POLA1: variants seen among roughly 807,000 people sequenced by gnomAD.
POLA1 encodes the protein DNA polymerase alpha 1, catalytic subunit.
A neutral mutation model predicts 124.0 loss-of-function variants in POLA1; 15 were observed. That is an observed-to-expected ratio of 0.12 (90% CI 0.08 to 0.19). POLA1 has a LOEUF of 0.19. Ranked by LOEUF, POLA1 falls within the 10% of genes least tolerant of loss-of-function variation. The pLI is 1.00. For synonymous variants in POLA1, 408 were observed against 389.4 expected (o/e 1.05, Z -0.56); for missense variants, 886 against 1,103.4 (o/e 0.80, Z 2.79).
chrX:24,862,193 C>A (rs1354957972), intron 34 of POLA1, among the ~76,000 whole-genome samples: 1 of 112,009 alleles, frequency 8.9e-6, no homozygotes, highest in African/African-American at 3.2e-5. Flanking sequence ...CACCTGACAG[C>A]ATGTTTGACT....
At chrX:24,734,935 G>T (rs1931178849) in intron 17 of POLA1, among the ~76,000 whole-genome samples, 1 of 111,845 alleles carries the variant, frequency 8.9e-6, no homozygotes, top group South Asian at 3.7e-4. Flanking sequence ...TCTTAAATAT[G>T]TTTGTTTTTA....
At chrX:24,834,945 C>T (rs2147046093) in intron 32 of POLA1, among the ~76,000 whole-genome samples, 1 of 110,949 alleles carries the variant, frequency 9.0e-6, no homozygotes, top group East Asian at 2.8e-4. Flanking sequence ...CAGTATTCTG[C>T]ACTGGTGGCC....
At chrX:24,818,480 A>G (rs778948209) in intron 30 of POLA1, among the ~76,000 whole-genome samples, 8 of 111,478 alleles carry the variant, frequency 7.2e-5, no homozygotes, top group African/African-American at 2.6e-4. Flanking sequence ...TACCCTGAGT[A>G]TGGAATTTAG....
intron 34 of POLA1, 101 bp from the exon 35 acceptor site, chrX:24,887,905 A>G: frequency 1.9e-6 from 1 of 528,284 alleles, no homozygotes; most frequent in Non-Finnish European, 3.4e-6. Flanking sequence ...AGAATTTCTG[A>G]GAAAAGATTA....
At chrX:24,773,864 G>C (rs777525608) in intron 26 of POLA1, among the ~76,000 whole-genome samples, 4 of 111,838 alleles carry the variant, frequency 3.6e-5, no homozygotes, top group African/African-American at 1.3e-4. Flanking sequence ...GTAAAGATAG[G>C]GCTGAGAGTT....
intron 29 of POLA1, among the ~76,000 whole-genome samples, chrX:24,814,199 G>A (rs1396588592): frequency 2.7e-5 from 3 of 112,278 alleles, no homozygotes; most frequent in Non-Finnish European, 5.6e-5. Context: ...AAGAAAAGAC[G>A]CATCATAATA....
At chrX:24,762,791 A>G (rs1282014998) in intron 26 of POLA1, among the ~76,000 whole-genome samples, 8 of 109,844 alleles carry the variant, frequency 7.3e-5, no homozygotes, top group African/African-American at 9.9e-5. Context: ...AGGCTGGAGT[A>G]CAGTGGCATG....
intron 10 of POLA1, among the ~76,000 whole-genome samples, chrX:24,719,145 G>A (rs367568291): frequency 1.1e-4 from 12 of 110,771 alleles, no homozygotes; most frequent in South Asian, 7.8e-4. Flanking sequence ...TTTTCAAAGC[G>A]GTTTCCTGGA....
chrX:24,959,382 T>A (rs1601910114), intron 36 of POLA1, among the ~76,000 whole-genome samples: 1 of 109,402 alleles, frequency 9.1e-6, no homozygotes, highest in Admixed American at 9.7e-5. Flanking sequence ...GAGAATCACT[T>A]GAACCCAGGA....
At chrX:24,727,152 T>G (rs1235043740) in intron 14 of POLA1, 81 bp downstream of exon 14, 1 of 833,718 alleles carries the variant, frequency 1.2e-6, no homozygotes, top group Non-Finnish European at 1.7e-6. Flanking sequence ...GAAATTGATC[T>G]ATTTATTTTA....
At chrX:24,946,589 G>A (rs2047963892) in intron 36 of POLA1, among the ~76,000 whole-genome samples, 2 of 111,500 alleles carry the variant, frequency 1.8e-5, no homozygotes, top group African/African-American at 6.5e-5. Flanking sequence ...TTCCCTGCCT[G>A]GGTTAGCCAA....
chrX:24,883,261 C>T (rs771027591), intron 34 of POLA1, among the ~76,000 whole-genome samples: 1 of 112,047 alleles, frequency 8.9e-6, no homozygotes, highest in South Asian at 3.8e-4. Flanking sequence ...TTGTCAGATG[C>T]ATAGTTTGCA....
intron 32 of POLA1, among the ~76,000 whole-genome samples, chrX:24,838,230 T>C (rs1481977634): frequency 1.8e-5 from 2 of 111,905 alleles, no homozygotes; most frequent in Non-Finnish European, 3.8e-5. Context: ...TTTGATCCTG[T>C]TGCCAAAATA....
At chrX:24,743,553 T>C (rs1249571618) in intron 23 of POLA1, among the ~76,000 whole-genome samples, 1 of 112,723 alleles carries the variant, frequency 8.9e-6, no homozygotes, top group Non-Finnish European at 1.9e-5. Context: ...TTTATAGACA[T>C]TGAAATTTAA....
intron 26 of POLA1, among the ~76,000 whole-genome samples, chrX:24,807,011 GAC>G (rs1417183793): frequency 8.9e-6 from 1 of 112,019 alleles, no homozygotes; most frequent in Non-Finnish European, 1.9e-5. Context: ...TGCAAAAAAA[GAC>G]ATCCACCAAA....
At chrX:24,780,751 A>G (rs2045245566) in intron 26 of POLA1, among the ~76,000 whole-genome samples, 1 of 112,000 alleles carries the variant, frequency 8.9e-6, no homozygotes, top group Admixed American at 9.5e-5. Flanking sequence ...TATGAGGAAT[A>G]TTGGTCTGAA....
At chrX:24,845,707 G>A (rs1262721296) in intron 34 of POLA1, among the ~76,000 whole-genome samples, 1 of 111,885 alleles carries the variant, frequency 8.9e-6, no homozygotes, top group African/African-American at 3.2e-5. Context: ...AGTGTACTGA[G>A]GTAAGGATAT....
At chrX:24,849,376 G>A (rs976412279) in intron 34 of POLA1, among the ~76,000 whole-genome samples, 4 of 112,500 alleles carry the variant, frequency 3.6e-5, no homozygotes, top group Non-Finnish European at 3.8e-5. Context: ...ATTTATTTTC[G>A]CTTCATAGTA....
chrX:24,821,778 G>A (rs1200645171), intron 31 of POLA1, among the ~76,000 whole-genome samples, 195 bp downstream of exon 31: 2 of 112,313 alleles, frequency 1.8e-5, no homozygotes, highest in Non-Finnish European at 3.8e-5. Flanking sequence ...TGACAGATTT[G>A]TAACAGTAGC....
Sources: allele counts gnomAD v4.1 joint callset (sites outside exome capture counted in the v4.1 genomes callset), GRCh38; gene constraint gnomAD v4.1.1; transcripts MANE v1.5; gene names NCBI Gene and HGNC (gene_info 2026-07-23, HGNC 2026-07-21).